Variants in TLK1 observed in about 807,000 individuals in gnomAD.
TLK1 encodes the protein tousled like kinase 1.
In TLK1, 24 loss-of-function variants were observed where a neutral mutation model predicts 105.3. That is an observed-to-expected ratio of 0.23 (90% CI 0.17 to 0.32). TLK1 has a LOEUF of 0.32. Ranked by LOEUF, TLK1 falls within the 10% of genes least tolerant of loss-of-function variation. TLK1 has a pLI of 1.00. For missense variants in TLK1, 558 were observed against 910.5 expected (o/e 0.61, Z 4.98); for synonymous variants, 321 against 310.4 (o/e 1.03, Z -0.36).
At position 171,229,902 on chromosome 2, in the gene TLK1, C is replaced by T. The variant is rs552576359; in HGVS notation, c.-6+1243G>A. Among the ~76,000 whole-genome samples the T allele has an allele frequency of 8.9e-4, 136 of 152,266 alleles. 1 individual carries two copies. Among genetic ancestry groups the T allele is most frequent in the African/African-American group, 3.1e-3 (128 of 41,554 alleles). ...TTTTGCACAAAGCTCCAGGTTCTAC[C>T]ATGCACAAGGCCTTGCTGTTCTTGC... On this transcript the variant is annotated intron_variant, in intron 1 of 20. Coordinates refer to the TLK1 transcript ENST00000521943.
chr2:171,056,377 G>C, intron 6 of TLK1, 94 bp downstream of exon 6: 1 of 892,886 alleles, frequency 1.1e-6, no homozygotes, highest in Non-Finnish European at 1.7e-6. Flanking sequence ...TATTTATATA[G>C]AAGTTCTCAA....
chr2:171,035,290 C>T (rs529677712), intron 11 of TLK1, among the ~76,000 whole-genome samples: 28 of 151,750 alleles, frequency 1.8e-4, no homozygotes, highest in African/African-American at 6.3e-4. Flanking sequence ...TGCGGTGAGC[C>T]GAGATCTTGA....
intron 1 of TLK1, chr2:171,154,284 T>A (rs987502181): frequency 1.2e-4 from 19 of 152,064 alleles, no homozygotes; most frequent in African/African-American, 4.1e-4. Flanking sequence ...AGCTACAAAC[T>A]TTCCCCTAAT....
chr2:171,036,074 C>A (rs973389589), intron 11 of TLK1, among the ~76,000 whole-genome samples: 1 of 152,136 alleles, frequency 6.6e-6, no homozygotes, highest in South Asian at 2.1e-4. Context: ...AAGTAGAATG[C>A]GCCTTTAATA....
Position 171,002,795 on chromosome 2 carries a change from T to G in TLK1, c.1904+3352A>C, listed in dbSNP as rs564995752. 1.7e-4 allele frequency among the ~76,000 whole-genome samples: 26 copies of G among 151,890 alleles called. 1 individual carries two copies. The highest frequency in any genetic ancestry group is 4.6e-4 in the African/African-American group (19 of 41,452). The stretch of plus-strand genomic sequence containing the variant: ...GGATTACAGGTGTGTGCCACCACAT[T>G]TGGCTAATTTTTGTATTTTTATGCA... On this transcript the variant is annotated intron_variant, in intron 18 of 20. Transcript: ENST00000431350.
In TLK1 at chr2:170,993,828, C is replaced by G; in HGVS notation, c.2253G>C (p.Gly751=). 2 of 1,611,856 alleles carry G rather than the reference C, an allele frequency of 1.2e-6. No homozygotes were observed. The highest frequency in any genetic ancestry group is 1.7e-6 in the Non-Finnish European group (2 of 1,178,972). The change falls in exon 21 of 21, where the codon GGG becomes GGC. Residue 751 remains glycine (G), a synonymous_variant. Transcript: ENST00000431350. ...SNSSGNLHMA[G]LTASPTPPSS... ...AAGGGGGTGTAGGGGATGCTGTCAG[C>G]CCAGCCATGTGTAGGTTTCCTGAAG...
chr2:171,078,694 A>T (rs1688621165), intron 3 of TLK1, among the ~76,000 whole-genome samples: 1 of 152,236 alleles, frequency 6.6e-6, no homozygotes, highest in Admixed American at 6.5e-5. Flanking sequence ...CCAAAGTTAG[A>T]GAATCTGAAA....
At chr2:171,208,483 TCTC>T (rs1236421824) in intron 1 of TLK1, among the ~76,000 whole-genome samples, 23 of 152,122 alleles carry the variant, frequency 1.5e-4, no homozygotes, top group South Asian at 4.1e-4. Context: ...AGTGGAGAGT[TCTC>T]CTCTCCGTGC....
At chr2:171,088,875 G>C (rs1014978118) in intron 2 of TLK1, among the ~76,000 whole-genome samples, 5 of 152,176 alleles carry the variant, frequency 3.3e-5, no homozygotes, top group Admixed American at 1.3e-4. Context: ...AATAAAGCAA[G>C]AAAGAGAAGA....
At chr2:171,116,925 T>C (rs768335860) in intron 2 of TLK1, among the ~76,000 whole-genome samples, 11 of 152,154 alleles carry the variant, frequency 7.2e-5, no homozygotes, top group Non-Finnish European at 1.6e-4. Context: ...GATCTAGCAA[T>C]TGTACTCTTG....
intron 11 of TLK1, among the ~76,000 whole-genome samples, chr2:171,043,792 C>T (rs1220428725): frequency 6.6e-6 from 1 of 152,044 alleles, no homozygotes; most frequent in Non-Finnish European, 1.5e-5. Context: ...GTTGGCCAGG[C>T]TGGTCTCAAA....
At chr2:171,129,087 A>G (rs1479655087) in intron 1 of TLK1, among the ~76,000 whole-genome samples, 2 of 152,274 alleles carry the variant, frequency 1.3e-5, no homozygotes, top group Middle Eastern at 6.8e-3. Flanking sequence ...CCAAAACAGG[A>G]ATCTGGTAAA....
At chr2:171,027,827 G>A (rs562436180) in intron 12 of TLK1, among the ~76,000 whole-genome samples, 1 of 152,262 alleles carries the variant, frequency 6.6e-6, no homozygotes, top group South Asian at 2.1e-4. Flanking sequence ...TTTTTAAGTT[G>A]ACACAAGATA....
At chr2:171,133,308 A>C (rs1691177520) in intron 1 of TLK1, among the ~76,000 whole-genome samples, 1 of 152,214 alleles carries the variant, frequency 6.6e-6, no homozygotes, top group Non-Finnish European at 1.5e-5. Context: ...AGATTTGGTG[A>C]CAGACTGAAT....
intron 1 of TLK1, among the ~76,000 whole-genome samples, chr2:171,155,039 T>C (rs1006705705): frequency 1.3e-5 from 2 of 152,204 alleles, no homozygotes; most frequent in Non-Finnish European, 1.5e-5. Context: ...GATGAGAATT[T>C]AAATTCTTCA....
chr2:171,116,758 A>G lies in TLK1; in HGVS notation c.258+981T>C, dbSNP rs1690450444. ...TTGATGGTACAAGTAAAACAAGAAG[A>G]TATTTTATACTTAAATGAGGAATGT... On this transcript the variant is annotated intron_variant, in intron 2 of 20. Transcript: ENST00000431350. Among the ~76,000 whole-genome samples, 3 of 152,072 alleles carry G rather than the reference A, an allele frequency of 2.0e-5. No homozygotes were observed. In the South Asian group the frequency reaches 6.2e-4, roughly 32 times the overall value.
chr2:171,134,725 CTTTTTTTTTT>C (rs572825171), intron 1 of TLK1, among the ~76,000 whole-genome samples: 1 of 103,810 alleles, frequency 9.6e-6, no homozygotes, highest in African/African-American at 4.0e-5. Flanking sequence ...ACTATTTGGC[CTTTTTTTTTT>C]TTTTTTTTTT....
intron 12 of TLK1, among the ~76,000 whole-genome samples, chr2:171,015,665 AT>A (rs1475104106): frequency 8.2e-5 from 12 of 146,410 alleles, no homozygotes; most frequent in Middle Eastern, 3.6e-3. Flanking sequence ...CATATCACTC[AT>A]GTCATTCATG....
intron 2 of TLK1, among the ~76,000 whole-genome samples, chr2:171,083,426 T>G (rs754134895): frequency 2.5e-4 from 38 of 152,226 alleles, no homozygotes; most frequent in Non-Finnish European, 4.9e-4. Flanking sequence ...ACAATATTTT[T>G]GAACTGTAAC....
Sources: gnomAD v4.1 joint callset for allele counts (sites outside exome capture counted in the v4.1 genomes callset) on GRCh38, gnomAD v4.1.1 for gene constraint, MANE v1.5 for transcripts, NCBI Gene and HGNC (gene_info 2026-07-23, HGNC 2026-07-21) for gene names.